LINGO2: variants seen among roughly 807,000 people sequenced by gnomAD.
LINGO2 encodes the protein leucine-rich repeat and immunoglobulin-like domain-containing nogo receptor-interacting protein 2.
A neutral mutation model predicts 30.6 loss-of-function variants in LINGO2; 14 were observed. The ratio of observed to expected loss-of-function variants is 0.46; its 90% confidence interval spans 0.30 to 0.72. The LOEUF is 0.72. LINGO2 is among the 30% of genes least tolerant of loss of function. The probability of loss-of-function intolerance (pLI) is 0.07; values close to 1 mark genes in which losing one functional copy is unlikely to be tolerated. For missense variants in LINGO2, 729 were observed against 751.7 expected (o/e 0.97, Z 0.35); for synonymous variants, 317 against 288.5 (o/e 1.10, Z -1.00).
chr9:28,401,529 C>T (rs1177873665), intron 2 of LINGO2, among the ~76,000 whole-genome samples: 1 of 152,090 alleles, frequency 6.6e-6, no homozygotes, highest in Non-Finnish European at 1.5e-5. Context: ...TTTATCCAAT[C>T]TGTTACTGAT....
intron 2 of LINGO2, among the ~76,000 whole-genome samples, chr9:28,383,167 C>A (rs538495326): frequency 5.9e-5 from 9 of 151,934 alleles, no homozygotes; most frequent in African/African-American, 2.2e-4. Context: ...CATGCAAGGA[C>A]CTCCATGGGT....
chr9:28,857,959 G>A, the LINGO2 span, among the ~76,000 whole-genome samples: 1 of 150,984 alleles, frequency 6.6e-6, no homozygotes, highest in Non-Finnish European at 1.5e-5. Context: ...TATCGTATGC[G>A]GCCCGTTCAA....
At chr9:29,177,269 T>C in the LINGO2 span, among the ~76,000 whole-genome samples, 1 of 152,184 alleles carries the variant, frequency 6.6e-6, no homozygotes, top group East Asian at 1.9e-4. Flanking sequence ...TTTTTCCCAA[T>C]AGAATATATA....
intron 4 of LINGO2, among the ~76,000 whole-genome samples, chr9:28,276,297 T>C (rs999350258): frequency 2.6e-5 from 4 of 152,176 alleles, no homozygotes; most frequent in Non-Finnish European, 5.9e-5. Flanking sequence ...ACACGTTGCC[T>C]CCCATATGGA....
intron 3 of LINGO2, among the ~76,000 whole-genome samples, chr9:28,337,446 A>C (rs1446257116): frequency 1.3e-5 from 2 of 152,204 alleles, no homozygotes; most frequent in Non-Finnish European, 2.9e-5. Context: ...TCTGAAGATA[A>C]ATTCAAGCCA....
At chr9:28,951,777 T>C in the LINGO2 span, among the ~76,000 whole-genome samples, 1 of 152,168 alleles carries the variant, frequency 6.6e-6, no homozygotes, top group African/African-American at 2.4e-5. Flanking sequence ...GAGATTACTC[T>C]CTCTGTATAA....
intron 5 of LINGO2, among the ~76,000 whole-genome samples, chr9:27,987,567 G>C (rs1821183988): frequency 6.6e-6 from 1 of 151,834 alleles, no homozygotes; most frequent in Non-Finnish European, 1.5e-5. Context: ...AAGATATTTG[G>C]TTTGAAGACG....
chr9:28,530,050 G>A (rs988728356), intron 1 of LINGO2, among the ~76,000 whole-genome samples: 3 of 151,910 alleles, frequency 2.0e-5, no homozygotes, highest in African/African-American at 7.2e-5. Flanking sequence ...AGTGATTCTT[G>A]AGCTTTTTGG....
the LINGO2 span, among the ~76,000 whole-genome samples, chr9:28,685,471 A>G: frequency 6.6e-6 from 1 of 152,172 alleles, no homozygotes; most frequent in Non-Finnish European, 1.5e-5. Context: ...CTTTTATAAT[A>G]ATAACATTTC....
chr9:28,199,069 A>G (rs889152534), intron 4 of LINGO2, among the ~76,000 whole-genome samples: 1 of 152,172 alleles, frequency 6.6e-6, no homozygotes, highest in African/African-American at 2.4e-5. Flanking sequence ...ACCATCTGTA[A>G]TACCATTTCT....
the LINGO2 span, among the ~76,000 whole-genome samples, chr9:29,006,867 T>C: frequency 3.9e-5 from 6 of 152,090 alleles, no homozygotes; most frequent in African/African-American, 7.2e-5. Context: ...CAAGGTCCTT[T>C]GATGCCTTAA....
intron 3 of LINGO2, among the ~76,000 whole-genome samples, chr9:28,352,035 G>A (rs1263964442): frequency 3.3e-5 from 5 of 150,804 alleles, no homozygotes; most frequent in African/African-American, 9.8e-5. Context: ...CAAACCCACA[G>A]CCAATATCAT....
the LINGO2 span, among the ~76,000 whole-genome samples, chr9:28,968,623 G>A: frequency 6.6e-6 from 1 of 152,058 alleles, no homozygotes; most frequent in Non-Finnish European, 1.5e-5. Flanking sequence ...TGGATGAATT[G>A]GTGTTCTTTT....
chr9:28,707,224 A>C, the LINGO2 span, among the ~76,000 whole-genome samples: 29 of 152,250 alleles, frequency 1.9e-4, no homozygotes, highest in Non-Finnish European at 3.5e-4. Context: ...AAATCATTAC[A>C]TCTTCCAGAC....
intron 4 of LINGO2, among the ~76,000 whole-genome samples, chr9:28,019,692 C>G (rs1823019300): frequency 6.6e-6 from 1 of 152,018 alleles, no homozygotes; most frequent in African/African-American, 2.4e-5. Context: ...AATACTGACT[C>G]TACCATTCTA....
the LINGO2 span, among the ~76,000 whole-genome samples, chr9:28,796,501 A>G: frequency 6.6e-6 from 1 of 152,062 alleles, no homozygotes; most frequent in Non-Finnish European, 1.5e-5. Context: ...TGCTTAATGA[A>G]TAATTTTATG....
At chr9:27,994,466 C>T (rs1029398504) in intron 5 of LINGO2, among the ~76,000 whole-genome samples, 7 of 151,938 alleles carry the variant, frequency 4.6e-5, no homozygotes, top group African/African-American at 1.7e-4. Flanking sequence ...AGAGGGGAGC[C>T]CCTGAGAAAA....
chr9:28,755,924 G>A, the LINGO2 span, among the ~76,000 whole-genome samples: 1 of 152,006 alleles, frequency 6.6e-6, no homozygotes, highest in Non-Finnish European at 1.5e-5. Flanking sequence ...ATACGGCTTT[G>A]AAATGTCTTG....
At chr9:28,218,305 T>C (rs1351737423) in intron 4 of LINGO2, among the ~76,000 whole-genome samples, 13 of 151,958 alleles carry the variant, frequency 8.6e-5, no homozygotes, top group Admixed American at 5.3e-4. Context: ...TATGGAAATT[T>C]GGATAGAATC....
Sources: allele counts gnomAD v4.1 joint callset (sites outside exome capture counted in the v4.1 genomes callset), GRCh38; gene constraint gnomAD v4.1.1; transcripts MANE v1.5; gene names NCBI Gene and HGNC (gene_info 2026-07-23, HGNC 2026-07-21).